COL14A1: variants seen among roughly 807,000 people sequenced by gnomAD.
The protein encoded by COL14A1 is collagen type XIV alpha 1 chain, also known as collagen alpha-1(XIV) chain.
In COL14A1, 136 loss-of-function variants were observed where a neutral mutation model predicts 230.3. The ratio of observed to expected loss-of-function variants is 0.59; its 90% CI spans 0.51 to 0.68. The LOEUF (loss-of-function observed/expected upper bound fraction) is 0.68, where lower values mean the gene tolerates loss of function less well. COL14A1 is among the 30% of genes least tolerant of loss of function. COL14A1 has a pLI of 0.00. For missense variants in COL14A1, 1,976 were observed against 2,215.8 expected, an observed-to-expected ratio of 0.89 and a Z score of 2.17; for synonymous variants, 792 against 784.1, an observed-to-expected ratio of 1.01 and a Z score of -0.17.
In COL14A1 at chr8:120,207,859, T is replaced by A. The variant is rs543318481; in HGVS notation, c.1192-373T>A. Among the ~76,000 whole-genome samples the A allele has an allele frequency of 1.3e-4, 19 of 150,888 alleles. 1 individual carries two copies. The East Asian group carries it at 1.6e-3, about 12-fold the overall frequency. On this transcript the variant is annotated intron_variant, in intron 10 of 47. Transcript: ENST00000297848. ...TTGGACCAAAAAAAAAAAAAAAAGA[T>A]CCGAGTGCTTCCAATGATTCTTTTA...
intron 5 of COL14A1, among the ~76,000 whole-genome samples, chr8:120,184,729 C>T (rs527276208): frequency 1.3e-5 from 2 of 152,100 alleles, no homozygotes; most frequent in African/African-American, 2.4e-5. Flanking sequence ...CTGGCAGGCT[C>T]AAAACCCAAG....
At chr8:120,127,107 G>C (rs574354452) in intron 1 of COL14A1, among the ~76,000 whole-genome samples, 2 of 152,058 alleles carry the variant, frequency 1.3e-5, no homozygotes, top group African/African-American at 4.8e-5. Flanking sequence ...CTAACCTGCC[G>C]CCGTGTCTGT....
chr8:120,173,524 GTCTCTCAT>G (rs775370905), intron 5 of COL14A1, among the ~76,000 whole-genome samples: 10 of 139,500 alleles, frequency 7.2e-5, no homozygotes, highest in Non-Finnish European at 1.4e-4. Context: ...CTCTCTGTCT[GTCTCTCAT>G]TCTCTCATTC....
At chr8:120,286,104 A>G in intron 33 of COL14A1, 134 bp downstream of exon 33, 1 of 618,566 alleles carries the variant, frequency 1.6e-6, no homozygotes, top group Non-Finnish European at 2.9e-6. Flanking sequence ...TGTTAACAAT[A>G]CCTGTGCTTG....
chr8:120,360,281 G>A (rs950552550), intron 45 of COL14A1, among the ~76,000 whole-genome samples: 1 of 152,190 alleles, frequency 6.6e-6, no homozygotes. Context: ...ACGACTTGGG[G>A]TTCCTCTTGA....
chr8:120,307,602 A>G (rs1222825696), intron 36 of COL14A1, among the ~76,000 whole-genome samples: 1 of 152,226 alleles, frequency 6.6e-6, no homozygotes, highest in Non-Finnish European at 1.5e-5. Context: ...TGGAAAACTG[A>G]GTAAAGTATA....
intron 5 of COL14A1, among the ~76,000 whole-genome samples, chr8:120,191,931 A>C (rs201784605): frequency 2.6e-5 from 4 of 151,848 alleles, no homozygotes; most frequent in African/African-American, 9.7e-5. Flanking sequence ...TTTTGAGCCT[A>C]TGTATGTCTC....
intron 8 of COL14A1, among the ~76,000 whole-genome samples, chr8:120,203,021 T>TATATATATATATATATATATATA (rs61499035): frequency 3.7e-4 from 53 of 141,576 alleles, no homozygotes; most frequent in Non-Finnish European, 6.9e-4. Context: ...TATATATATA[T>TATATATATATATATATATATATA]TTGTTCTAGC....
intron 5 of COL14A1, among the ~76,000 whole-genome samples, chr8:120,195,539 C>G (rs1488165520): frequency 6.6e-6 from 1 of 152,138 alleles, no homozygotes; most frequent in Non-Finnish European, 1.5e-5. Flanking sequence ...TAAAGACATA[C>G]TCGAGACTGG....
chr8:120,190,155 T>C (rs1157028155), intron 5 of COL14A1, among the ~76,000 whole-genome samples: 3 of 152,016 alleles, frequency 2.0e-5, no homozygotes, highest in African/African-American at 7.3e-5. Context: ...TGTTGTTTCC[T>C]GACTTTTTCA....
intron 34 of COL14A1, among the ~76,000 whole-genome samples, chr8:120,290,397 CA>C (rs11313437): frequency 0.51 from 77,197 of 151,712 alleles, 20,556 homozygotes; most frequent in African/African-American, 0.68. Context: ...TCATTACCCA[CA>C]AAAAAAAGAA....
intron 1 of COL14A1, among the ~76,000 whole-genome samples, chr8:120,128,940 G>C (rs181534969): frequency 1.3e-5 from 2 of 152,220 alleles, no homozygotes; most frequent in East Asian, 3.9e-4. Flanking sequence ...TTATCTAGGA[G>C]CAGTCAGAGG....
At chr8:120,159,220 A>G (rs574307030) in intron 3 of COL14A1, among the ~76,000 whole-genome samples, 1 of 152,318 alleles carries the variant, frequency 6.6e-6, no homozygotes, top group South Asian at 2.1e-4. Flanking sequence ...CAGCGTCTGA[A>G]TTTTAAAAAG....
At chr8:120,366,310 C>A (rs1423110249) in intron 45 of COL14A1, among the ~76,000 whole-genome samples, 1 of 152,168 alleles carries the variant, frequency 6.6e-6, no homozygotes, top group East Asian at 1.9e-4. Flanking sequence ...CTAGGCTTTG[C>A]CAATTCAACA....
Position 120,212,527 on chromosome 8 carries a change from C to T in COL14A1, c.1547C>T (p.Ala516Val). The T allele has an allele frequency of 1.2e-6, 2 of 1,613,528 alleles. No homozygotes were observed. Among genetic ancestry groups the T allele is most frequent in the Non-Finnish European group, 1.7e-6 (2 of 1,179,648 alleles). ...PNTEYTVTVY[A>V]MFGEEASDPV... ...ACAGAATACACAGTCACAGTTTATGCCATGTTTGGAGAAGAGGCCAGTGAT... is the reference window on the plus strand; with the variant it reads ...ACAGAATACACAGTCACAGTTTATGTCATGTTTGGAGAAGAGGCCAGTGAT... The change falls in exon 13 of 48, where the codon GCC becomes GTC. Residue 516 changes from alanine to valine, a missense_variant. This residue lies in a region of COL14A1 where 1,791 missense variants were observed against 2,019.5 expected (regional missense o/e 0.89). Transcript: ENST00000297848.
rs1047270014 is a variant in COL14A1, at chr8:120,332,518, G to A, written c.4714-146G>A. ...AAAAAAAGTCTTCCCTCCGTTTTTG[G>A]GAGTTGGGAACAGGAATGAGGTCCT... is the stretch of plus-strand genomic sequence containing the variant. On this transcript the variant is annotated intron_variant, in intron 41 of 47. Transcript: ENST00000297848. 54 of 673,576 alleles carry A rather than the reference G, an allele frequency of 8.0e-5. No individual in the cohort carries two copies. The Admixed American group carries it at 1.6e-3, about 20-fold the overall frequency. 41.7% of individuals were successfully genotyped at this position (673,576 alleles called of 1,614,324 possible).
At chr8:120,360,004 A>G (rs1395652552) in intron 45 of COL14A1, among the ~76,000 whole-genome samples, 2 of 152,184 alleles carry the variant, frequency 1.3e-5, no homozygotes, top group Admixed American at 1.3e-4. Context: ...AGGACCCTCT[A>G]CCTATACTGT....
intron 2 of COL14A1, among the ~76,000 whole-genome samples, chr8:120,154,579 C>G (rs1004281105): frequency 6.6e-6 from 1 of 152,126 alleles, no homozygotes; most frequent in Non-Finnish European, 1.5e-5. Flanking sequence ...TATATCAGGC[C>G]TAATCTCATG....
intron 4 of COL14A1, among the ~76,000 whole-genome samples, chr8:120,166,441 T>G (rs1815876745): frequency 6.6e-6 from 1 of 152,194 alleles, no homozygotes; most frequent in Admixed American, 6.5e-5. Context: ...CTTGTCAATC[T>G]TTGCCTGCAA....
Sources: gnomAD v4.1 joint callset for allele counts (sites outside exome capture counted in the v4.1 genomes callset) on GRCh38, gnomAD v4.1.1 for gene constraint, gnomAD v4.1.1 regional missense constraint, MANE v1.5 for transcripts, NCBI Gene and HGNC (gene_info 2026-07-23, HGNC 2026-07-21) for gene names.